NRDC: variants seen among roughly 807,000 people sequenced by gnomAD.
NRDC encodes the protein nardilysin.
Under a neutral mutation model 147.1 loss-of-function variants are expected in NRDC, and 54 were observed. The observed-to-expected ratio is 0.37, with a 90% CI of 0.29 to 0.46. NRDC has a LOEUF of 0.46. NRDC is among the 20% of genes least tolerant of loss of function. The pLI, the probability that NRDC is intolerant of heterozygous loss-of-function variation, is 1.00. For missense variants in NRDC, 1,082 were observed against 1,370.6 expected, an observed-to-expected ratio of 0.79 and a Z score of 3.33; for synonymous variants, 440 against 482.1, an observed-to-expected ratio of 0.91 and a Z score of 1.14.
At chr1:51,823,378 T>C (rs1680292166) in intron 7 of NRDC, among the ~76,000 whole-genome samples, 1 of 152,172 alleles carries the variant, frequency 6.6e-6, no homozygotes, top group Admixed American at 6.5e-5. Flanking sequence ...GATCAATTCA[T>C]GACCTATTAG....
intron 1 of NRDC, among the ~76,000 whole-genome samples, chr1:51,850,569 A>C (rs911346296): frequency 2.0e-5 from 3 of 152,184 alleles, no homozygotes; most frequent in African/African-American, 7.2e-5. Context: ...CATGCAACTT[A>C]ATAAGCAAGT....
intron 1 of NRDC, 198 bp downstream of exon 1, chr1:51,878,077 A>C (rs2124167193): frequency 7.1e-7 from 1 of 1,418,204 alleles, no homozygotes; most frequent in East Asian, 2.5e-5. Context: ...ACGTCTTACA[A>C]CCCAAGATCT....
In NRDC at chr1:51,846,747, C is replaced by G. The variant is rs968016233; in HGVS notation, c.342-6233G>C. Among the ~76,000 whole-genome samples, 4 of 152,192 alleles carry G rather than the reference C, an allele frequency of 2.6e-5. No homozygotes were observed. In the East Asian group the frequency reaches 7.7e-4, roughly 29 times the overall value. On this transcript the variant is annotated intron_variant, in intron 1 of 30. Transcript: ENST00000352171. ...GAACTCGACCCAAGTGGGTTATCAC[C>G]CCAGGAGCCTGCAGCCTGCTTTTAT...
At chr1:51,849,214 G>C (rs1403141436) in intron 1 of NRDC, among the ~76,000 whole-genome samples, 1 of 151,754 alleles carries the variant, frequency 6.6e-6, no homozygotes, top group Non-Finnish European at 1.5e-5. Flanking sequence ...GTGAAACCCC[G>C]TCTCTACTAA....
Position 51,840,424 on chromosome 1 carries a change from T to TTCA in NRDC, c.429_431dup (p.Asp143dup). ...CTTCTTCCTCCACCTCCTCTTCTTC[T>TTCA]TCATCATCTGTTGTATTTCCTGTTT... On this transcript the variant is annotated inframe_insertion, in exon 2 of 31. Transcript: ENST00000352171. 1 of 1,605,528 alleles carries TTCA rather than the reference T, an allele frequency of 6.2e-7. No individual in the cohort carries two copies. Among genetic ancestry groups the TTCA allele is most frequent in the Non-Finnish European group, 8.5e-7 (1 of 1,172,412 alleles).
chr1:51,841,693 T>C (rs912936045), intron 1 of NRDC, among the ~76,000 whole-genome samples: 2 of 152,094 alleles, frequency 1.3e-5, no homozygotes, highest in African/African-American at 2.4e-5. Context: ...GCATTAAGGA[T>C]AAAAAGGATA....
chr1:51,836,088 G>A, intron 3 of NRDC, 43 bp downstream of exon 3: 1 of 1,448,854 alleles, frequency 6.9e-7, no homozygotes, highest in Non-Finnish European at 9.7e-7. Context: ...AGTTTGGAGG[G>A]GGGAAAAAAA....
chr1:51,836,447 A>C (rs1288891802), intron 2 of NRDC: 2 of 1,613,244 alleles, frequency 1.2e-6, no homozygotes, highest in East Asian at 4.5e-5. Context: ...ACCTAAGGAA[A>C]AAAAGCAGAA....
intron 1 of NRDC, among the ~76,000 whole-genome samples, chr1:51,842,514 G>A (rs1437121924): frequency 2.0e-5 from 3 of 151,722 alleles, no homozygotes; most frequent in Non-Finnish European, 4.4e-5. Context: ...ACTGACAGCA[G>A]AATAAAAAAA....
In NRDC at chr1:51,809,378, G is replaced by C. The variant is rs1307347307; in HGVS notation, c.1927C>G (p.Leu643Val). The change falls in exon 17 of 31, where the codon CTG (leucine) becomes GTG (valine). Residue 643 changes from leucine to valine, a missense_variant. Leu to Val is a conservative substitution (Grantham distance 32). Transcript: ENST00000352171. ...IEDIENSWAELWNSNFELNPD... is the reference protein window; with the variant it reads ...IEDIENSWAEVWNSNFELNPD... Reference sequence around the variant, plus strand: ...TTTAATTCGAAATTACTATTCCACAGTTCAGCCCAAGAGTTTTCAATATCT... The same window carrying C: ...TTTAATTCGAAATTACTATTCCACACTTCAGCCCAAGAGTTTTCAATATCT... 5 of 1,613,202 alleles carry C rather than the reference G, an allele frequency of 3.1e-6. No individual in the cohort carries two copies. The African/African-American group carries it at 4.0e-5, about 13-fold the overall frequency.
At chr1:51,844,669 G>A (rs2149226995) in intron 1 of NRDC, among the ~76,000 whole-genome samples, 1 of 151,168 alleles carries the variant, frequency 6.6e-6, no homozygotes. Context: ...GCTTGAACCC[G>A]GGAGGCGAAG....
Position 51,827,875 on chromosome 1 carries a change from C to G in NRDC, c.867-6G>C. On this transcript the variant is annotated splice_polypyrimidine_tract_variant and splice_region_variant and intron_variant, in intron 4 of 30. Transcript: ENST00000352171. ...GGATGAAGAACTGCGCCCATCTGAACAAAAAACAAAACTGGCATTTCCGTT... is the reference window on the plus strand; with the variant it reads ...GGATGAAGAACTGCGCCCATCTGAAGAAAAAACAAAACTGGCATTTCCGTT... 6.2e-7 allele frequency: 1 copy of G among 1,612,808 alleles called. No individual in the cohort carries two copies. Among genetic ancestry groups the G allele is most frequent in the East Asian group, 2.2e-5 (1 of 44,818 alleles).
chr1:51,790,399 T>C (rs983435778), intron 29 of NRDC, 134 bp downstream of exon 29: 5 of 690,952 alleles, frequency 7.2e-6, no homozygotes, highest in African/African-American at 3.6e-5. Flanking sequence ...ACTCAGGAAG[T>C]GAGCGAGTAA....
chr1:51,853,923 T>A (rs1162968782), intron 1 of NRDC, among the ~76,000 whole-genome samples: 1 of 152,230 alleles, frequency 6.6e-6, no homozygotes, highest in Non-Finnish European at 1.5e-5. Context: ...GCTAAAGTTA[T>A]GCATATCAAT....
intron 11 of NRDC, 75 bp downstream of exon 11, chr1:51,816,237 G>C: frequency 1.3e-6 from 1 of 793,484 alleles, no homozygotes; most frequent in Non-Finnish European, 1.9e-6. Flanking sequence ...GTAAAAGAAT[G>C]CATTATATAA....
At chr1:51,820,004 G>T in intron 8 of NRDC, 131 bp from the exon 9 acceptor site, 1 of 664,590 alleles carries the variant, frequency 1.5e-6, no homozygotes, top group Non-Finnish European at 2.6e-6. Flanking sequence ...TTCCAGGCAT[G>T]AACAAATAGA....
At chr1:51,792,327 T>C (rs568649743) in intron 25 of NRDC, 50 bp downstream of exon 25, 24 of 1,590,702 alleles carry the variant, frequency 1.5e-5, no homozygotes, top group Admixed American at 3.3e-5. Context: ...CCGGGCCTCA[T>C]AGTGGGTCAG....
In NRDC at chr1:51,819,963, A is replaced by G. The variant is rs1028761177; in HGVS notation, c.1218-90T>C. On this transcript the variant is annotated intron_variant, in intron 8 of 30. Transcript: ENST00000352171. ...GATATCTAACTGAGAGATATTTATA[A>G]TCTATTCTACATACTCCTTCTTGGA... 1.0e-5 allele frequency: 10 copies of G among 978,990 alleles called. No homozygotes were observed. In the Admixed American group the frequency reaches 1.9e-4, roughly 19 times the overall value. 60.6% of individuals were successfully genotyped at this position (978,990 alleles called of 1,614,324 possible).
chr1:51,809,199 A>G, intron 17 of NRDC, 116 bp downstream of exon 17: 1 of 780,064 alleles, frequency 1.3e-6, no homozygotes, highest in Non-Finnish European at 2.1e-6. Context: ...CAACCTCAGA[A>G]TGTTACTGGG....
Sources: gnomAD v4.1 joint callset for allele counts (sites outside exome capture counted in the v4.1 genomes callset) on GRCh38, gnomAD v4.1.1 for gene constraint, MANE v1.5 for transcripts, NCBI Gene and HGNC (gene_info 2026-07-23, HGNC 2026-07-21) for gene names.